Variants in ABI3BP observed in about 807,000 individuals in gnomAD.
ABI3BP encodes ABI family member 3 binding protein, also known as target of Nesh-SH3.
Under a neutral mutation model 268.6 loss-of-function variants are expected in ABI3BP, and 216 were observed. The ratio of observed to expected loss-of-function variants is 0.80; its 90% CI spans 0.72 to 0.90. ABI3BP has a LOEUF of 0.90. Ranked by LOEUF, ABI3BP falls within the 40% of genes least tolerant of loss-of-function variation. The probability of loss-of-function intolerance (pLI) is 0.00; values close to 1 mark genes in which losing one functional copy is unlikely to be tolerated. For missense variants in ABI3BP, 2,090 were observed against 2,182.4 expected (o/e 0.96, Z 0.84); for synonymous variants, 730 against 730.0 (o/e 1.00, Z 0.00).
intron 2 of ABI3BP, among the ~76,000 whole-genome samples, chr3:100,922,139 A>G (rs887614469): frequency 2.0e-5 from 3 of 152,252 alleles, no homozygotes; most frequent in African/African-American, 7.2e-5. Context: ...GCTCTTGTAT[A>G]GCACTTTGTA....
intron 59 of ABI3BP, among the ~76,000 whole-genome samples, chr3:100,776,252 T>C (rs2096701044): frequency 1.3e-5 from 2 of 152,182 alleles, no homozygotes; most frequent in Non-Finnish European, 2.9e-5. Flanking sequence ...CCAAGGACTA[T>C]GACCCAGCAT....
intron 1 of ABI3BP, among the ~76,000 whole-genome samples, chr3:100,991,294 A>C (rs1271619173): frequency 5.7e-5 from 8 of 140,922 alleles, no homozygotes; most frequent in Non-Finnish European, 1.3e-4. Flanking sequence ...AAAAACTTTT[A>C]CTCTTTTTTC....
At chr3:100,783,172 T>C (rs1577509183) in intron 57 of ABI3BP, among the ~76,000 whole-genome samples, 1 of 152,198 alleles carries the variant, frequency 6.6e-6, no homozygotes, top group Non-Finnish European at 1.5e-5. Flanking sequence ...TTATGGATGA[T>C]TGGTTTCTGC....
chr3:100,768,931 C>A (rs1335654765), intron 62 of ABI3BP, among the ~76,000 whole-genome samples: 1 of 152,202 alleles, frequency 6.6e-6, no homozygotes, highest in South Asian at 2.1e-4. Flanking sequence ...CATGTAGAAG[C>A]AGCTGAAGCT....
At chr3:100,785,100 T>A (rs542001659) in intron 57 of ABI3BP, among the ~76,000 whole-genome samples, 1 of 152,262 alleles carries the variant, frequency 6.6e-6, no homozygotes, top group East Asian at 1.9e-4. Flanking sequence ...GTCCTATAGA[T>A]CACAAACACT....
At chr3:100,795,309 C>T (rs75443590) in intron 53 of ABI3BP, among the ~76,000 whole-genome samples, 11 of 151,978 alleles carry the variant, frequency 7.2e-5, no homozygotes, top group African/African-American at 2.2e-4. Context: ...CTCTCTCCCC[C>T]GTTCAAGAGA....
intron 1 of ABI3BP, chr3:100,945,705 T>G (rs4928101): frequency 2.3e-6 from 1 of 430,580 alleles, no homozygotes; most frequent in Non-Finnish European, 4.6e-6. Flanking sequence ...ATATATTACA[T>G]TTTATTTATT....
At chr3:100,754,106 C>T (rs1193252913) in intron 64 of ABI3BP, among the ~76,000 whole-genome samples, 1 of 152,186 alleles carries the variant, frequency 6.6e-6, no homozygotes, top group Non-Finnish European at 1.5e-5. Context: ...GCTGTTCCAG[C>T]TTTCACTTGA....
At chr3:100,895,465 A>G (rs1015168945) in intron 4 of ABI3BP, among the ~76,000 whole-genome samples, 1 of 152,256 alleles carries the variant, frequency 6.6e-6, no homozygotes, top group South Asian at 2.1e-4. Context: ...TTTGATATAC[A>G]AAGTCCATAG....
intron 2 of ABI3BP, among the ~76,000 whole-genome samples, chr3:100,916,397 T>A (rs1583274974): frequency 6.6e-6 from 1 of 152,190 alleles, no homozygotes; most frequent in Non-Finnish European, 1.5e-5. Context: ...TTACACAAGA[T>A]GAGTTTTTAA....
chr3:100,879,748 T>A (rs928332411), intron 6 of ABI3BP, among the ~76,000 whole-genome samples: 1 of 152,184 alleles, frequency 6.6e-6, no homozygotes, highest in Non-Finnish European at 1.5e-5. Flanking sequence ...GAATGCAATT[T>A]TTTTTCTAGG....
intron 2 of ABI3BP, among the ~76,000 whole-genome samples, chr3:100,917,509 T>C (rs1345542523): frequency 1.3e-5 from 2 of 152,186 alleles, no homozygotes; most frequent in East Asian, 3.9e-4. Context: ...CCCTTTAATA[T>C]CCTTTTACTG....
chr3:100,838,937 G>A (rs566020916), intron 24 of ABI3BP, among the ~76,000 whole-genome samples: 1 of 152,176 alleles, frequency 6.6e-6, no homozygotes, highest in East Asian at 1.9e-4. Flanking sequence ...GATTTTGAGC[G>A]CTAAGAAACT....
intron 45 of ABI3BP, among the ~76,000 whole-genome samples, chr3:100,812,855 A>G (rs2152509145): frequency 6.6e-6 from 1 of 152,266 alleles, no homozygotes; most frequent in African/African-American, 2.4e-5. Flanking sequence ...TAGCAACAAC[A>G]TTACTAATAC....
intron 1 of ABI3BP, among the ~76,000 whole-genome samples, chr3:100,980,883 G>C (rs1234091113): frequency 3.3e-5 from 5 of 152,182 alleles, no homozygotes; most frequent in Admixed American, 3.3e-4. Flanking sequence ...CTGGAAAACA[G>C]CAGAATTCTC....
chr3:100,979,667 G>A (rs2088221456), intron 1 of ABI3BP, among the ~76,000 whole-genome samples: 1 of 152,140 alleles, frequency 6.6e-6, no homozygotes, highest in Admixed American at 6.5e-5. Flanking sequence ...TGAGCCAGGG[G>A]TTATGATGAC....
intron 2 of ABI3BP, among the ~76,000 whole-genome samples, chr3:100,918,365 T>C (rs977878951): frequency 1.3e-5 from 2 of 150,386 alleles, no homozygotes; most frequent in African/African-American, 4.9e-5. Flanking sequence ...TCTATTCCTT[T>C]ATTGTGTTTC....
At chr3:100,992,037 T>C (rs1478852988) in intron 1 of ABI3BP, among the ~76,000 whole-genome samples, 1 of 152,236 alleles carries the variant, frequency 6.6e-6, no homozygotes, top group Non-Finnish European at 1.5e-5. Flanking sequence ...CTCTGAATGC[T>C]TGTGGCTCAT....
chr3:100,811,272 C>T lies in ABI3BP; in HGVS notation c.3499G>A (p.Glu1167Lys). Residue 1167 changes from glutamate to lysine, a missense_variant, in exon 48 of 68, where the codon GAA (glutamate) becomes AAA (lysine). Physicochemically the swap from Glu to Lys is moderately conservative, Grantham distance 56. Coordinates refer to ENST00000471714, the MANE Select transcript of ABI3BP (RefSeq NM_001375547.2). ...WPEEPKTEVV[E>K]SITYVSEPPE... ...GGTTCAGATACATATGTAATAGATT[C>T]CACAACTGTACCAAAACAAAGGAGA... is the stretch of plus-strand genomic sequence containing the variant. 1 of 1,532,802 alleles carries T rather than the reference C, an allele frequency of 6.5e-7. No individual in the cohort carries two copies. Among genetic ancestry groups the T allele is most frequent in the Non-Finnish European group, 8.7e-7 (1 of 1,145,146 alleles). The allele number at this position is 1,532,802 out of a possible 1,614,324, so 95.0% of individuals were successfully genotyped here.
Sources: gnomAD v4.1 joint callset for allele counts (sites outside exome capture counted in the v4.1 genomes callset) on GRCh38, gnomAD v4.1.1 for gene constraint, MANE v1.5 for transcripts, NCBI Gene and HGNC (gene_info 2026-07-23, HGNC 2026-07-21) for gene names.